Variants in FOXP2 observed in about 807,000 individuals in gnomAD.
FOXP2 encodes forkhead box P2, also known as forkhead box protein P2.
In FOXP2, 12 loss-of-function variants were observed where a neutral mutation model predicts 115.8. That is an observed-to-expected ratio of 0.10 (90% CI 0.07 to 0.17). The LOEUF (loss-of-function observed/expected upper bound fraction) is 0.17. Among genes scored for constraint, FOXP2 ranks in the 10% least tolerant of loss-of-function variants. The pLI is 1.00. For synonymous variants in FOXP2, 328 were observed against 297.7 expected (o/e 1.10, Z -1.05); for missense variants, 629 against 843.5 (o/e 0.75, Z 3.15).
At position 114,495,483 on chromosome 7, in the gene FOXP2, C is replaced by T. The variant is rs1294167539; in HGVS notation, c.169-39134C>T. Among the ~76,000 whole-genome samples, 161 of 61,462 alleles carry T rather than the reference C, an allele frequency of 2.6e-3. 2 individuals are homozygous for T. The highest frequency in any genetic ancestry group is 0.013 in the Middle Eastern group (1 of 80). 40.3% of individuals were successfully genotyped at this position (61,462 alleles called of 152,430 possible). A position where few individuals can be genotyped will look rare whatever the true frequency, so the allele number is the denominator to read the frequency against. On this transcript the variant is annotated intron_variant, in intron 2 of 16. Transcript: ENST00000350908. ...TTCTTTGTTTTTTCTTTCTCTCTCT[C>T]TTTTTTTTTTTTTTTTTTTTTTTTT...
chr7:114,497,474 C>T (rs1000694642), intron 2 of FOXP2, among the ~76,000 whole-genome samples: 1 of 151,966 alleles, frequency 6.6e-6, no homozygotes, highest in Non-Finnish European at 1.5e-5. Context: ...ATGGCAAAAA[C>T]CCATTTCTAC....
At chr7:114,340,862 T>C (rs1791185264) in intron 2 of FOXP2, among the ~76,000 whole-genome samples, 1 of 151,126 alleles carries the variant, frequency 6.6e-6, no homozygotes, top group Non-Finnish European at 1.5e-5. Flanking sequence ...CCCTTAAACA[T>C]TCTGTGTTTG....
upstream of FOXP2, among the ~76,000 whole-genome samples, chr7:114,158,870 G>T (rs1393939622): frequency 6.6e-5 from 10 of 152,020 alleles, no homozygotes; most frequent in Non-Finnish European, 4.4e-5. Flanking sequence ...CTTGGTCTGA[G>T]AGCAATCCTA....
intron 1 of FOXP2, among the ~76,000 whole-genome samples, chr7:114,181,812 T>C (rs1331827028): frequency 6.6e-6 from 1 of 152,070 alleles, no homozygotes; most frequent in Non-Finnish European, 1.5e-5. Flanking sequence ...AAGAAGTGAC[T>C]TAACCAATAT....
At chr7:114,358,845 G>A (rs1014029473) in intron 2 of FOXP2, among the ~76,000 whole-genome samples, 3 of 152,102 alleles carry the variant, frequency 2.0e-5, no homozygotes, top group Admixed American at 1.3e-4. Flanking sequence ...TTTGAAATTG[G>A]AACTTATATT....
chr7:114,291,900 TAATATATA>T (rs1796605445), intron 2 of FOXP2, among the ~76,000 whole-genome samples: 1 of 141,894 alleles, frequency 7.0e-6, no homozygotes, highest in African/African-American at 2.7e-5. Flanking sequence ...ATATTATAGA[TAATATATA>T]GAATATATAT....
intron 1 of FOXP2, among the ~76,000 whole-genome samples, chr7:114,270,788 G>T (rs1272006056): frequency 6.6e-6 from 1 of 152,010 alleles, no homozygotes; most frequent in Non-Finnish European, 1.5e-5. Flanking sequence ...TCTTGACAGT[G>T]TTTTTATGGA....
chr7:114,224,948 C>T (rs1794710408), intron 1 of FOXP2, among the ~76,000 whole-genome samples: 1 of 152,160 alleles, frequency 6.6e-6, no homozygotes, highest in Non-Finnish European at 1.5e-5. Flanking sequence ...CTATCAAATA[C>T]TTTTTGCAGT....
chr7:114,372,132 A>G (rs370294671), intron 2 of FOXP2, among the ~76,000 whole-genome samples: 2 of 152,312 alleles, frequency 1.3e-5, no homozygotes, highest in African/African-American at 4.8e-5. Flanking sequence ...TGGCCATGGT[A>G]TTATAGCTAG....
At chr7:114,291,167 T>C (rs1796579381) in intron 2 of FOXP2, among the ~76,000 whole-genome samples, 1 of 152,124 alleles carries the variant, frequency 6.6e-6, no homozygotes, top group Non-Finnish European at 1.5e-5. Flanking sequence ...GAAGATTAAG[T>C]TCAGGGTGTC....
At chr7:114,423,504 G>A (rs569203575) in intron 1 of FOXP2, among the ~76,000 whole-genome samples, 2 of 151,712 alleles carry the variant, frequency 1.3e-5, no homozygotes, top group South Asian at 4.1e-4. Flanking sequence ...AAAGACTTAA[G>A]GGTTTAACTT....
chr7:114,398,410 A>G (rs1315551018), intron 2 of FOXP2, among the ~76,000 whole-genome samples: 1 of 152,210 alleles, frequency 6.6e-6, no homozygotes, highest in Non-Finnish European at 1.5e-5. Flanking sequence ...TATTTGCAAA[A>G]AATGCATCAA....
At chr7:114,370,506 A>G (rs1292409275) in intron 2 of FOXP2, among the ~76,000 whole-genome samples, 1 of 152,192 alleles carries the variant, frequency 6.6e-6, no homozygotes, top group Non-Finnish European at 1.5e-5. Context: ...TTAGCTTATC[A>G]ACATGATGTC....
chr7:114,233,193 G>T (rs752041967), intron 1 of FOXP2, among the ~76,000 whole-genome samples: 1 of 152,076 alleles, frequency 6.6e-6, no homozygotes, highest in Admixed American at 6.5e-5. Flanking sequence ...AGAGAGAAAT[G>T]CCTGGTAATT....
At chr7:114,255,289 G>T (rs963486956) in intron 1 of FOXP2, among the ~76,000 whole-genome samples, 3 of 152,200 alleles carry the variant, frequency 2.0e-5, no homozygotes, top group East Asian at 3.9e-4. Context: ...TAAACTCTGT[G>T]CTGGGAGAAC....
intron 2 of FOXP2, among the ~76,000 whole-genome samples, chr7:114,345,565 C>T (rs1791326716): frequency 6.6e-6 from 1 of 151,674 alleles, no homozygotes; most frequent in Non-Finnish European, 1.5e-5. Flanking sequence ...TGTTCATGTT[C>T]TGAATTTCTT....
At chr7:114,107,030 G>A (rs1044618851) in intron 1 of FOXP2, among the ~76,000 whole-genome samples, 11 of 151,774 alleles carry the variant, frequency 7.2e-5, no homozygotes, top group African/African-American at 2.4e-4. Flanking sequence ...ATTAGTATTC[G>A]TCTTGTATTC....
At chr7:114,217,232 G>A (rs1291690613) in intron 1 of FOXP2, among the ~76,000 whole-genome samples, 8 of 152,152 alleles carry the variant, frequency 5.3e-5, no homozygotes, top group Admixed American at 3.9e-4. Flanking sequence ...TCTGTAGGGG[G>A]CCTTGAAGAA....
chr7:114,613,335 G>A (rs1346360243), intron 3 of FOXP2, among the ~76,000 whole-genome samples: 1 of 152,070 alleles, frequency 6.6e-6, no homozygotes, highest in Non-Finnish European at 1.5e-5. Flanking sequence ...ATATTCAAGT[G>A]ATATGTATAT....
Sources: gnomAD v4.1 joint callset for allele counts (sites outside exome capture counted in the v4.1 genomes callset) on GRCh38, gnomAD v4.1.1 for gene constraint, MANE v1.5 for transcripts, NCBI Gene and HGNC (gene_info 2026-07-23, HGNC 2026-07-21) for gene names.